The following FOXN3 variants were observed in gnomAD, a reference collection of about 807,000 sequenced individuals.
FOXN3 encodes forkhead box N3.
A neutral mutation model predicts 38.4 loss-of-function variants in FOXN3; 7 were observed. The observed-to-expected ratio is 0.18, with a 90% CI of 0.10 to 0.34. The LOEUF (loss-of-function observed/expected upper bound fraction) is 0.34. Ranked by LOEUF, FOXN3 falls within the 10% of genes least tolerant of loss-of-function variation. FOXN3 has a pLI of 1.00. For missense variants in FOXN3, 456 were observed against 613.4 expected (o/e 0.74, Z 2.71); for synonymous variants, 230 against 242.2 (o/e 0.95, Z 0.47).
At chr14:89,419,654 T>TC (rs2140105311), upstream of FOXN3, 1 of 153,740 alleles carries the variant, frequency 6.5e-6, no homozygotes, top group South Asian at 2.0e-4. Context: ...GAGCTGGAAG[T>TC]CCTCAATTCC....
intron 1 of FOXN3, among the ~76,000 whole-genome samples, chr14:89,615,116 A>ATTTTTTTTTTTTTT: frequency 1.9e-5 from 2 of 106,782 alleles, no homozygotes; most frequent in Non-Finnish European, 3.6e-5. Flanking sequence ...CCCAATTTCG[A>ATTTTTTTTTTTTTT]TTTTTTTTTT....
chr14:89,384,551 T>C (rs899505021), intron 2 of FOXN3, among the ~76,000 whole-genome samples: 2 of 152,204 alleles, frequency 1.3e-5, no homozygotes, highest in East Asian at 3.8e-4. Context: ...ACTGTTTTTG[T>C]AATCTAGATT....
At chr14:89,409,351 A>AGGGGT (rs138581623) in intron 2 of FOXN3, 1 of 140,924 alleles carries the variant, frequency 7.1e-6, no homozygotes, top group Non-Finnish European at 1.5e-5. Flanking sequence ...GCGGTGGGGG[A>AGGGGT]CGGGGGGGTC....
chr14:89,388,502 C>T (rs553700701), intron 2 of FOXN3, among the ~76,000 whole-genome samples: 9 of 152,116 alleles, frequency 5.9e-5, no homozygotes, highest in South Asian at 2.1e-4. Context: ...AGAATGAATG[C>T]GCCATTGACT....
intron 2 of FOXN3, among the ~76,000 whole-genome samples, chr14:89,369,665 TGA>T (rs746569363): frequency 6.6e-6 from 1 of 152,046 alleles, no homozygotes; most frequent in African/African-American, 2.4e-5. Flanking sequence ...CAAGAGAGAA[TGA>T]GAGAGCTTGT....
At chr14:89,459,344 T>A (rs1892791286) in intron 1 of FOXN3, among the ~76,000 whole-genome samples, 1 of 152,200 alleles carries the variant, frequency 6.6e-6, no homozygotes, top group Non-Finnish European at 1.5e-5. Context: ...GCTAGGCCAT[T>A]AAAAGAGCCC....
chr14:89,278,694 A>G (rs527953693), intron 4 of FOXN3, among the ~76,000 whole-genome samples: 2 of 152,116 alleles, frequency 1.3e-5, no homozygotes, highest in Non-Finnish European at 2.9e-5. Flanking sequence ...CTCAATTCCA[A>G]TGCCTGTGGC....
intron 4 of FOXN3, among the ~76,000 whole-genome samples, chr14:89,247,694 CCT>C (rs1193603394): frequency 6.6e-6 from 1 of 152,162 alleles, no homozygotes; most frequent in Non-Finnish European, 1.5e-5. Flanking sequence ...ACCCCTGTTC[CCT>C]GTCAACCTAC....
chr14:89,163,786 A>G lies in FOXN3; in HGVS notation c.852-817T>C, dbSNP rs142636678. 2.1e-3 allele frequency among the ~76,000 whole-genome samples: 320 copies of G among 152,344 alleles called. 3 individuals are homozygous for G. Among genetic ancestry groups the G allele is most frequent in the African/African-American group, 7.2e-3 (301 of 41,582 alleles). ...CTCGAAGTGAAGCCTGGAGAAGTTC[A>G]GTGATGTACTTAAAGTCACACAACT... is the stretch of plus-strand genomic sequence containing the variant. On this transcript the variant is annotated intron_variant, in intron 5 of 5. Transcript: ENST00000557258. This position sits in a 1 kb window ranked among gnomAD's most constrained non-coding sequence, Gnocchi z 4.3.
intron 4 of FOXN3, among the ~76,000 whole-genome samples, chr14:89,222,100 G>A (rs1007847863): frequency 6.6e-6 from 1 of 152,344 alleles, no homozygotes; most frequent in Admixed American, 6.5e-5. Flanking sequence ...ACAGGCGTGA[G>A]CCACCGCGCC....
chr14:89,451,858 G>A (rs897059386), intron 1 of FOXN3, among the ~76,000 whole-genome samples: 8 of 152,080 alleles, frequency 5.3e-5, no homozygotes, highest in East Asian at 3.9e-4. Context: ...CACTGGTAAC[G>A]GGGGGCTGCA....
At chr14:89,186,942 C>A (rs1247955488) in intron 4 of FOXN3, among the ~76,000 whole-genome samples, 1 of 152,188 alleles carries the variant, frequency 6.6e-6, no homozygotes, top group African/African-American at 2.4e-5. Context: ...CTGCCTGGGG[C>A]TCTCACCAGA....
rs1241471807 is a variant in FOXN3, at chr14:89,412,877, A to G, written c.-14-387T>C. On this transcript the variant is annotated intron_variant, in intron 1 of 5. Coordinates refer to ENST00000557258, the MANE Select transcript of FOXN3 (RefSeq NM_005197.4). The surrounding 1 kb of genome is among the most constrained non-coding windows in gnomAD (Gnocchi z 4.7). ...TTTACTGTGAATTATTTTTTCTTCCAGAACAGAAGAAAAGCAAGTAACTTC... is the reference window on the plus strand; with the variant it reads ...TTTACTGTGAATTATTTTTTCTTCCGGAACAGAAGAAAAGCAAGTAACTTC... Among the ~76,000 whole-genome samples, 1 of 152,216 alleles carries G rather than the reference A, an allele frequency of 6.6e-6. No individual in the cohort carries two copies. Among genetic ancestry groups the G allele is most frequent in the Non-Finnish European group, 1.5e-5 (1 of 68,042 alleles).
chr14:89,455,243 C>T (rs1359469981), intron 1 of FOXN3, among the ~76,000 whole-genome samples: 3 of 152,152 alleles, frequency 2.0e-5, no homozygotes, highest in African/African-American at 7.2e-5. Context: ...TCCTGGAGGA[C>T]AGACAAGGGC....
chr14:89,263,047 C>T (rs1885857441), intron 4 of FOXN3, among the ~76,000 whole-genome samples: 1 of 152,136 alleles, frequency 6.6e-6, no homozygotes, highest in Admixed American at 6.5e-5. Flanking sequence ...GTTTTTAAAT[C>T]TCCAAAGTTT....
At chr14:89,376,840 C>T (rs1450150618) in intron 2 of FOXN3, among the ~76,000 whole-genome samples, 3 of 151,512 alleles carry the variant, frequency 2.0e-5, no homozygotes, top group Middle Eastern at 3.2e-3. Flanking sequence ...ATGGTGAAAC[C>T]CCGTCTCTAC....
At chr14:89,616,515 T>A (rs1896495079) in intron 1 of FOXN3, among the ~76,000 whole-genome samples, 1 of 149,796 alleles carries the variant, frequency 6.7e-6, no homozygotes, top group African/African-American at 2.5e-5. Flanking sequence ...TCCCTTTCAC[T>A]CCCCAACCCC....
At chr14:89,365,935 C>T (rs2140050154) in intron 2 of FOXN3, among the ~76,000 whole-genome samples, 1 of 152,226 alleles carries the variant, frequency 6.6e-6, no homozygotes, top group African/African-American at 2.4e-5. Context: ...ACTAGAATAA[C>T]TAACATAAAG....
At chr14:89,475,318 TGGTAATAATAG>T (rs925305504) in intron 1 of FOXN3, among the ~76,000 whole-genome samples, 19 of 152,168 alleles carry the variant, frequency 1.2e-4, no homozygotes, top group African/African-American at 3.9e-4. Context: ...TCAAATGCTG[TGGTAATAATAG>T]GCCATCTCTA....
Sources: allele counts gnomAD v4.1 joint callset (sites outside exome capture counted in the v4.1 genomes callset), GRCh38; gene constraint gnomAD v4.1.1; non-coding constraint Gnocchi (gnomAD v3.1); transcripts MANE v1.5; gene names NCBI Gene and HGNC (gene_info 2026-07-23, HGNC 2026-07-21).